The following TNFAIP8 variants were observed in gnomAD, a reference collection of about 807,000 sequenced individuals.
TNFAIP8 encodes the protein TNF alpha induced protein 8, also known as tumor necrosis factor alpha-induced protein 8.
A neutral mutation model predicts 13.3 loss-of-function variants in TNFAIP8; 7 were observed. The observed-to-expected ratio is 0.52, with a 90% CI of 0.30 to 0.99. The LOEUF (loss-of-function observed/expected upper bound fraction) is 0.99, where lower values mean the gene tolerates loss of function less well. Ranked by LOEUF, TNFAIP8 falls within the 50% of genes least tolerant of loss-of-function variation. The pLI is 0.07. For synonymous variants in TNFAIP8, 94 were observed against 87.6 expected (o/e 1.07, Z -0.41); for missense variants, 258 against 236.9 (o/e 1.09, Z -0.58).
chr5:119,375,199 G>T (rs539126419), intron 1 of TNFAIP8, among the ~76,000 whole-genome samples: 1 of 152,324 alleles, frequency 6.6e-6, no homozygotes, highest in Admixed American at 6.5e-5. Flanking sequence ...TTCCACAGGG[G>T]AGCAAGTGAT....
chr5:119,367,582 C>T (rs1490318289), intron 1 of TNFAIP8, among the ~76,000 whole-genome samples: 1 of 152,068 alleles, frequency 6.6e-6, no homozygotes, highest in African/African-American at 2.4e-5. Flanking sequence ...CTTCAGTTAG[C>T]CAGATTTTTA....
chr5:119,305,664 CTACTT>C (rs1749528095), intron 1 of TNFAIP8, among the ~76,000 whole-genome samples: 1 of 152,086 alleles, frequency 6.6e-6, no homozygotes, highest in Non-Finnish European at 1.5e-5. Flanking sequence ...TGCCTCAAAT[CTACTT>C]TTTGCACTTT....
At chr5:119,380,514 A>C (rs531958111) in intron 1 of TNFAIP8, among the ~76,000 whole-genome samples, 21 of 152,376 alleles carry the variant, frequency 1.4e-4, no homozygotes, top group African/African-American at 4.8e-4. Context: ...ACATTCTGGT[A>C]GATGATTGGA....
intron 1 of TNFAIP8, among the ~76,000 whole-genome samples, chr5:119,324,309 A>G (rs1339417716): frequency 5.0e-5 from 6 of 118,936 alleles, no homozygotes; most frequent in East Asian, 2.4e-4. Flanking sequence ...AAAAAAAAAA[A>G]AAAAAGAAGA....
At position 119,374,717 on chromosome 5, in the gene TNFAIP8, C is replaced by T. The variant is rs570350722; in HGVS notation, c.32-18099C>T. ...TAGCTAGGGCATATGCCTACGGGAG[C>T]CAGGAAATTACCCAAGTGCTGGAAT... On this transcript the variant is annotated intron_variant, in intron 1 of 1. Transcript: ENST00000504771. Among the ~76,000 whole-genome samples the T allele has an allele frequency of 7.2e-5, 11 of 152,228 alleles. No individual in the cohort carries two copies. The South Asian group carries it at 2.3e-3, about 32-fold the overall frequency.
Position 119,394,827 on chromosome 5 carries a change from G to C in TNFAIP8, c.*1446G>C, listed in dbSNP as rs1001907194. ...TCACCATGTTGCCCAGGCTGGTCTT[G>C]AACTCCTGACTTCAAATGATCTGCC... On this transcript the variant is annotated 3_prime_UTR_variant, in exon 2 of 2. Transcript: ENST00000504771. The C allele has an allele frequency of 6.6e-6, 1 of 152,042 alleles. No individual in the cohort carries two copies. The highest frequency in any genetic ancestry group is 6.5e-5 in the Admixed American group (1 of 15,272). 9.4% of individuals were successfully genotyped at this position (152,042 alleles called of 1,614,324 possible).
intron 1 of TNFAIP8, among the ~76,000 whole-genome samples, chr5:119,343,577 A>G (rs551694110): frequency 1.3e-5 from 2 of 152,352 alleles, no homozygotes; most frequent in East Asian, 1.9e-4. Context: ...TATTAGTTAT[A>G]TAGTGCTTTG....
At chr5:119,287,287 T>G (rs1157498654) in intron 1 of TNFAIP8, among the ~76,000 whole-genome samples, 2 of 141,438 alleles carry the variant, frequency 1.4e-5, no homozygotes, top group African/African-American at 5.0e-5. Context: ...CAAGTTTTTT[T>G]TTTTTTTTTT....
intron 1 of TNFAIP8, among the ~76,000 whole-genome samples, chr5:119,318,069 GATTA>G (rs1257246581): frequency 1.3e-5 from 2 of 152,126 alleles, no homozygotes; most frequent in Non-Finnish European, 2.9e-5. Flanking sequence ...TTACCACCTT[GATTA>G]ATTATATTAA....
intron 1 of TNFAIP8, 53 bp from the exon 2 acceptor site, chr5:119,392,763 C>G (rs907663121): frequency 3.4e-6 from 5 of 1,471,742 alleles, no homozygotes; most frequent in Non-Finnish European, 4.5e-6. Context: ...GTTCGCTTCA[C>G]TTGCTGATAT....
At chr5:119,337,351 T>G (rs1452820196) in intron 1 of TNFAIP8, among the ~76,000 whole-genome samples, 1 of 152,252 alleles carries the variant, frequency 6.6e-6, no homozygotes, top group Non-Finnish European at 1.5e-5. Flanking sequence ...CCCACCAGCT[T>G]GAGCCATTAG....
chr5:119,323,804 C>T (rs549131494), intron 1 of TNFAIP8, among the ~76,000 whole-genome samples: 2 of 152,260 alleles, frequency 1.3e-5, no homozygotes, highest in East Asian at 1.9e-4. Context: ...GCTGAATGGG[C>T]TTCTGCAGTA....
intron 1 of TNFAIP8, among the ~76,000 whole-genome samples, chr5:119,276,589 G>T (rs1748456928): frequency 6.6e-6 from 1 of 152,144 alleles, no homozygotes; most frequent in South Asian, 2.1e-4. Flanking sequence ...ACGTCAACAG[G>T]TTTGATTTCC....
At chr5:119,303,773 G>T (rs1052216918) in intron 1 of TNFAIP8, among the ~76,000 whole-genome samples, 1 of 152,198 alleles carries the variant, frequency 6.6e-6, no homozygotes, top group African/African-American at 2.4e-5. Context: ...CCCCTTCCCA[G>T]TTCTTTAGTC....
At chr5:119,271,725 C>G (rs1473809953) in intron 1 of TNFAIP8, among the ~76,000 whole-genome samples, 2 of 152,298 alleles carry the variant, frequency 1.3e-5, no homozygotes, top group East Asian at 3.9e-4. Context: ...TTGGCATTCT[C>G]AGGGATCTCT....
intron 1 of TNFAIP8, among the ~76,000 whole-genome samples, chr5:119,362,823 G>A (rs183160950): frequency 8.4e-4 from 128 of 152,074 alleles, no homozygotes; most frequent in African/African-American, 2.8e-3. Context: ...AAATAGGATG[G>A]TTTTCAGCTG....
rs190818040 is a variant in TNFAIP8 at position 119,393,611 on chromosome 5, A to G, written c.*230A>G. ...CCTAACGGGTAACAGACCATGGGAG[A>G]GATATGTGGTTGGGTAATGCAAATG... On this transcript the variant is annotated 3_prime_UTR_variant, in exon 2 of 2. Coordinates refer to ENST00000504771, the MANE Select transcript of TNFAIP8 (RefSeq NM_014350.4). 1.4e-4 allele frequency: 72 copies of G among 501,242 alleles called. No homozygotes were observed. The highest frequency in any genetic ancestry group is 1.4e-3 in the African/African-American group (71 of 52,236). 31.0% of individuals were successfully genotyped at this position (501,242 alleles called of 1,614,324 possible). A position where few individuals can be genotyped will look rare whatever the true frequency, so the allele number is the denominator to read the frequency against.
chr5:119,360,197 G>C (rs1381594063), intron 1 of TNFAIP8, among the ~76,000 whole-genome samples: 2 of 152,162 alleles, frequency 1.3e-5, no homozygotes, highest in Non-Finnish European at 2.9e-5. Context: ...CTGACTGTTG[G>C]TGATCCAGGA....
chr5:119,269,801 G>T (rs1159058257), intron 1 of TNFAIP8, among the ~76,000 whole-genome samples: 1 of 152,094 alleles, frequency 6.6e-6, no homozygotes, highest in African/African-American at 2.4e-5. Flanking sequence ...TATTTTTATG[G>T]GGGGAGGTGG....
Sources: gnomAD v4.1 joint callset for allele counts (sites outside exome capture counted in the v4.1 genomes callset) on GRCh38, gnomAD v4.1.1 for gene constraint, MANE v1.5 for transcripts, NCBI Gene and HGNC (gene_info 2026-07-23, HGNC 2026-07-21) for gene names.